SCRN3: variants seen among roughly 807,000 people sequenced by gnomAD.
SCRN3 encodes the protein secernin-3.
SCRN3 carries 39 observed loss-of-function variants against 43.1 expected under a neutral mutation model. The observed-to-expected ratio is 0.91, with a 90% CI of 0.70 to 1.18. SCRN3 has a LOEUF of 1.18. Among genes scored for constraint, SCRN3 ranks in the 50% most tolerant of loss-of-function variants. The pLI, the probability that SCRN3 is intolerant of heterozygous loss-of-function variation, is 0.00. For missense variants in SCRN3, 484 were observed against 498.0 expected, an observed-to-expected ratio of 0.97 and a Z score of 0.27; for synonymous variants, 147 against 163.1, an observed-to-expected ratio of 0.90 and a Z score of 0.75.
rs1009926388 is a variant in SCRN3 at position 174,427,879 on chromosome 2, T to TC, written c.1260dup (p.Lys421GlnfsTer3). On this transcript the variant is annotated frameshift_variant, in exon 8 of 8. Coordinates refer to ENST00000272732, the MANE Select transcript of SCRN3 (RefSeq NM_024583.5). LOFTEE classifies it high-confidence loss of function. Reference sequence around the variant, plus strand: ...CAAATTTATCAGTCAAATTTATCAGTCAAAGTTAGTTCTTAGTGATCATAT... The same window carrying TC: ...CAAATTTATCAGTCAAATTTATCAGTCCAAAGTTAGTTCTTAGTGATCATAT... The TC allele has an allele frequency of 4.4e-6, 7 of 1,576,116 alleles. No individual in the cohort carries two copies. Among genetic ancestry groups the TC allele is most frequent in the Non-Finnish European group, 6.1e-6 (7 of 1,147,066 alleles).
chr2:174,414,121 G>GC (rs1686022951), intron 5 of SCRN3, among the ~76,000 whole-genome samples: 1 of 152,070 alleles, frequency 6.6e-6, no homozygotes, highest in South Asian at 2.1e-4. Flanking sequence ...TCAGGTAGTT[G>GC]TTTTTCTGTA....
Position 174,396,926 on chromosome 2 carries a change from C to G in SCRN3, c.-10+1109C>G, listed in dbSNP as rs184479853. ...CTGTGCAAAACACTTTACGTGTTGC[C>G]TTATTAAGTTCTCATAACAGCCCAT... On this transcript the variant is annotated intron_variant, in intron 1 of 7. Coordinates refer to ENST00000272732, the MANE Select transcript of SCRN3 (RefSeq NM_024583.5). 3.3e-5 allele frequency: 7 copies of G among 210,734 alleles called. No homozygotes were observed. In the East Asian group the frequency reaches 9.2e-4, roughly 28 times the overall value. 13.1% of individuals were successfully genotyped at this position (210,734 alleles called of 1,614,324 possible).
At chr2:174,415,654 A>T (rs957916236) in intron 5 of SCRN3, among the ~76,000 whole-genome samples, 19 of 151,922 alleles carry the variant, frequency 1.3e-4, no homozygotes, top group Non-Finnish European at 2.4e-4. Context: ...TATTAAAAAA[A>T]TTTTTTTTGA....
rs1465419114 is a variant in SCRN3 at position 174,406,083 on chromosome 2, C to A, written c.754+1768C>A. ...ATTTTCACAATATTGATTCTTCCTA[C>A]CCATAAGCATGGAATGTTCTTCCAT... On this transcript the variant is annotated intron_variant, in intron 5 of 7. Coordinates refer to ENST00000272732, the MANE Select transcript of SCRN3 (RefSeq NM_024583.5). Among the ~76,000 whole-genome samples the A allele has an allele frequency of 2.6e-4, 36 of 139,408 alleles. 7 individuals carry two copies. The South Asian group carries it at 7.7e-3, about 30-fold the overall frequency. The allele number at this position is 139,408 out of a possible 152,430, so 91.5% of individuals were successfully genotyped here.
At chr2:174,418,666 A>G (rs1686195397) in intron 5 of SCRN3, among the ~76,000 whole-genome samples, 1 of 152,170 alleles carries the variant, frequency 6.6e-6, no homozygotes, top group Non-Finnish European at 1.5e-5. Flanking sequence ...GTATTATCAC[A>G]GTATTATGGT....
chr2:174,405,026 T>G (rs1301179682), intron 5 of SCRN3, among the ~76,000 whole-genome samples: 141 of 105,800 alleles, frequency 1.3e-3, no homozygotes, highest in Non-Finnish European at 2.1e-3. Context: ...CCTGAGGAAT[T>G]GCCACACTGA....
chr2:174,411,920 C>CA (rs150899860), intron 5 of SCRN3, among the ~76,000 whole-genome samples: 6 of 150,658 alleles, frequency 4.0e-5, no homozygotes, highest in South Asian at 4.2e-4. Context: ...GGCTCTGTCT[C>CA]AAAAAAAATT....
intron 5 of SCRN3, among the ~76,000 whole-genome samples, chr2:174,405,354 T>A: frequency 8.6e-6 from 1 of 116,406 alleles, no homozygotes. Flanking sequence ...ATTCTGGATA[T>A]TAGCCCTTTG....
At chr2:174,415,007 C>T (rs1025331660) in intron 5 of SCRN3, among the ~76,000 whole-genome samples, 10 of 152,088 alleles carry the variant, frequency 6.6e-5, no homozygotes, top group Non-Finnish European at 8.8e-5. Context: ...TCAAATGAGC[C>T]GCCCACCTTG....
At chr2:174,413,083 G>C (rs916594707) in intron 5 of SCRN3, among the ~76,000 whole-genome samples, 1 of 151,666 alleles carries the variant, frequency 6.6e-6, no homozygotes, top group African/African-American at 2.4e-5. Context: ...TGTTGGTCAG[G>C]CTGGTCTTGA....
At position 174,395,823 on chromosome 2, in the gene SCRN3, G is replaced by C; in HGVS notation, c.-10+6G>C. The C allele has an allele frequency of 6.6e-7, 1 of 1,520,522 alleles. No individual in the cohort carries two copies. The allele number at this position is 1,520,522 out of a possible 1,614,324, so 94.2% of individuals were successfully genotyped here. A position where few individuals can be genotyped will look rare whatever the true frequency, so the allele number is the denominator to read the frequency against. On this transcript the variant is annotated splice_donor_region_variant and intron_variant, in intron 1 of 7. Transcript: ENST00000272732. ...TCGGGTAGCTGGGAGGCCAGGTGAG[G>C]GGCGCGCACGGGGGAGGGGCGTGCA...
At chr2:174,420,946 G>A (rs1056602271) in intron 5 of SCRN3, among the ~76,000 whole-genome samples, 1 of 152,038 alleles carries the variant, frequency 6.6e-6, no homozygotes, top group Non-Finnish European at 1.5e-5. Flanking sequence ...ACTGATAAAA[G>A]TCATCAAGCA....
intron 3 of SCRN3, 115 bp from the exon 4 acceptor site, chr2:174,400,875 C>A: frequency 1.2e-6 from 1 of 861,750 alleles, no homozygotes. Context: ...GTCATTTCAT[C>A]TGTTAACTTG....
intron 5 of SCRN3, among the ~76,000 whole-genome samples, chr2:174,404,706 G>A: frequency 8.0e-6 from 1 of 124,300 alleles, no homozygotes; most frequent in Non-Finnish European, 1.7e-5. Flanking sequence ...AATATGCGGT[G>A]TTTGGTTTTT....
At chr2:174,396,007 C>G in intron 1 of SCRN3, 190 bp downstream of exon 1, 3 of 1,352,476 alleles carry the variant, frequency 2.2e-6, no homozygotes, top group Non-Finnish European at 2.8e-6. Flanking sequence ...AAGCTCGAGC[C>G]CATTACTTTC....
At chr2:174,397,746 A>G (rs1685372470) in intron 1 of SCRN3, among the ~76,000 whole-genome samples, 1 of 152,200 alleles carries the variant, frequency 6.6e-6, no homozygotes, top group Admixed American at 6.5e-5. Context: ...AATGGAATCT[A>G]GCCTTTACAA....
chr2:174,408,167 A>G (rs1685762800), intron 5 of SCRN3, among the ~76,000 whole-genome samples: 1 of 60,506 alleles, frequency 1.7e-5, no homozygotes, highest in Non-Finnish European at 3.7e-5. Context: ...ATATATATTT[A>G]GGATAGTTAG....
intron 4 of SCRN3, among the ~76,000 whole-genome samples, chr2:174,402,548 T>C (rs1314051785): frequency 1.3e-5 from 2 of 151,706 alleles, no homozygotes; most frequent in African/African-American, 4.8e-5. Flanking sequence ...ATTAGCTGAG[T>C]GTGGTGGTGT....
chr2:174,401,620 T>C (rs1013849124), intron 4 of SCRN3, among the ~76,000 whole-genome samples: 3 of 152,220 alleles, frequency 2.0e-5, no homozygotes, highest in African/African-American at 4.8e-5. Context: ...GATACAATAG[T>C]AAAACACAAA....
Sources: gnomAD v4.1 joint callset for allele counts (sites outside exome capture counted in the v4.1 genomes callset) on GRCh38, gnomAD v4.1.1 for gene constraint, MANE v1.5 for transcripts, NCBI Gene and HGNC (gene_info 2026-07-23, HGNC 2026-07-21) for gene names.